Variants in HMCN1 observed in about 807,000 individuals in gnomAD.
HMCN1 encodes the protein hemicentin-1.
Under a neutral mutation model 625.9 loss-of-function variants are expected in HMCN1, and 321 were observed. That is an observed-to-expected ratio of 0.51 (90% CI 0.47 to 0.56). The LOEUF (loss-of-function observed/expected upper bound fraction) is 0.56, where lower values mean the gene tolerates loss of function less well. Ranked by LOEUF, HMCN1 falls within the 20% of genes least tolerant of loss-of-function variation. The pLI is 0.00. For synonymous variants in HMCN1, 2,425 were observed against 2,417.6 expected, an observed-to-expected ratio of 1.00 and a Z score of -0.09; for missense variants, 6,588 against 6,887.3, an observed-to-expected ratio of 0.96 and a Z score of 1.54.
At chr1:185,882,209 T>C (rs146903617) in intron 4 of HMCN1, among the ~76,000 whole-genome samples, 313 of 152,320 alleles carry the variant, frequency 2.1e-3, no homozygotes, top group South Asian at 4.3e-3. Context: ...TTGACCATAG[T>C]AGACTTTACA....
Position 185,798,020 on chromosome 1 carries a change from C to A in HMCN1, c.269-48006C>A, listed in dbSNP as rs376418497. 5.0e-5 allele frequency among the ~76,000 whole-genome samples: 5 copies of A among 100,936 alleles called. No homozygotes were observed. The East Asian group carries it at 1.4e-3, about 28-fold the overall frequency. 66.2% of individuals were successfully genotyped at this position (100,936 alleles called of 152,430 possible). The stretch of plus-strand genomic sequence containing the variant: ...AAGACTTGTTTTATACTTTTATGTT[C>A]TTTTTATAATGGTGGGTATTGACCT... On this transcript the variant is annotated intron_variant, in intron 1 of 106. Transcript: ENST00000271588.
intron 1 of HMCN1, among the ~76,000 whole-genome samples, chr1:185,820,654 T>A (rs767901564): frequency 4.3e-4 from 65 of 152,144 alleles, no homozygotes; most frequent in Non-Finnish European, 7.9e-4. Context: ...TTGTGGTGCA[T>A]ATTAGTCTTT....
chr1:185,902,401 CTATCTCTATCTATCTATCTATCTA>C (rs1235192825), intron 4 of HMCN1, among the ~76,000 whole-genome samples: 4 of 136,218 alleles, frequency 2.9e-5, no homozygotes, highest in Admixed American at 7.1e-5. Context: ...ATCTATCTAT[CTATCTCTATCTATCTATCTATCTA>C]TCTATCTATC....
intron 46 of HMCN1, among the ~76,000 whole-genome samples, chr1:186,060,237 T>C (rs1323151487): frequency 6.6e-6 from 1 of 152,016 alleles, no homozygotes; most frequent in African/African-American, 2.4e-5. Flanking sequence ...AGAAAACAGA[T>C]AGAATACCCC....
chr1:186,165,927 G>A (rs912565602), intron 98 of HMCN1, among the ~76,000 whole-genome samples: 1 of 152,238 alleles, frequency 6.6e-6, no homozygotes, highest in Admixed American at 6.5e-5. Context: ...TTAGAGCACA[G>A]TAGATGATAA....
rs751862276 is a variant in HMCN1, at chr1:186,136,960, T to C, written c.13582+23T>C. The C allele has an allele frequency of 2.5e-5, 40 of 1,610,982 alleles. No individual in the cohort carries two copies. In the Admixed American group the frequency reaches 5.8e-4, roughly 24 times the overall value. On this transcript the variant is annotated intron_variant, in intron 87 of 106. Transcript: ENST00000271588. ...AGGGTGAGTGTGATCAGAGGAATAT[T>C]CATAGTAAACAGTACCTGGGGTGAC... is the stretch of plus-strand genomic sequence containing the variant.
rs371095992 is a variant in HMCN1 at position 186,137,923 on chromosome 1, T to G, written c.13875T>G (p.Cys4625Trp). Residue 4625 changes from cysteine (C) to tryptophan (W), a missense_variant, in exon 89 of 107, where the codon TGT (cysteine) becomes TGG (tryptophan). By Grantham distance (215) the Cys-to-Trp change is radical. This residue lies in a region of HMCN1 where 1,954 missense variants were observed against 2,013.1 expected (regional missense o/e 0.97). Coordinates refer to ENST00000271588, the MANE Select transcript of HMCN1 (RefSeq NM_031935.3). The part of the protein sequence containing the change: ...NPSVQHGGRP[C>W]EGNAVEIIMC... ...CAGTTCAGCATGGTGGGCGGCCATG[T>G]GAAGGGAATGCTGTGGAAATAATTA... The G allele has an allele frequency of 8.9e-5, 144 of 1,613,944 alleles. 1 individual carries two copies. The highest frequency in any genetic ancestry group is 1.2e-4 in the Non-Finnish European group (138 of 1,179,960).
At chr1:185,936,337 C>G (rs979268920) in intron 11 of HMCN1, among the ~76,000 whole-genome samples, 1 of 151,964 alleles carries the variant, frequency 6.6e-6, no homozygotes, top group African/African-American at 2.4e-5. Context: ...AAACTAGCAG[C>G]AATTAACAGC....
At chr1:186,155,127 T>C (rs1285893108) in intron 97 of HMCN1, among the ~76,000 whole-genome samples, 1 of 152,264 alleles carries the variant, frequency 6.6e-6, no homozygotes, top group Non-Finnish European at 1.5e-5. Context: ...GTTTAGCAGA[T>C]ATGCTAAAAA....
At chr1:186,160,819 T>C (rs61831321) in intron 97 of HMCN1, among the ~76,000 whole-genome samples, 54,120 of 147,402 alleles carry the variant, frequency 0.37, 10,630 homozygotes, top group African/African-American at 0.47. Context: ...TTTACATTTG[T>C]TGAGGAGAGC....
At chr1:186,014,578 C>A (rs540189332) in intron 30 of HMCN1, among the ~76,000 whole-genome samples, 1 of 151,918 alleles carries the variant, frequency 6.6e-6, no homozygotes, top group South Asian at 2.1e-4. Context: ...TGTGAGAGGC[C>A]AGACTTGTGG....
intron 1 of HMCN1, among the ~76,000 whole-genome samples, chr1:185,779,332 C>A (rs906677235): frequency 6.6e-6 from 1 of 152,182 alleles, no homozygotes; most frequent in Non-Finnish European, 1.5e-5. Context: ...TTTTGCTGTG[C>A]AGCAGCTCTT....
At chr1:185,821,501 A>G (rs1158413784) in intron 1 of HMCN1, among the ~76,000 whole-genome samples, 1 of 152,072 alleles carries the variant, frequency 6.6e-6, no homozygotes, top group Non-Finnish European at 1.5e-5. Flanking sequence ...GTGATGGCCA[A>G]TTTCTTATCA....
intron 84 of HMCN1, 53 bp downstream of exon 84, chr1:186,130,153 C>G: frequency 6.2e-7 from 1 of 1,607,290 alleles, no homozygotes; most frequent in South Asian, 1.1e-5. Flanking sequence ...ATGAATAGTT[C>G]AAGTTTTGCT....
rs1350110999 is a variant in HMCN1 at position 186,172,064 on chromosome 1, T to C, written c.15747T>C (p.Arg5249=). 1 of 1,613,766 alleles carries C rather than the reference T, an allele frequency of 6.2e-7. No homozygotes were observed. The highest frequency in any genetic ancestry group is 1.7e-5 in the Admixed American group (1 of 60,000). The change falls in exon 102 of 107, where the codon CGT becomes CGC. Residue 5249 remains arginine, a synonymous_variant. Transcript: ENST00000271588. ...CAGATCAGCACTGTAAGAACACCCGTGGTGGCTATAAGTGCATTGATCTTT... is the reference window on the plus strand; with the variant it reads ...CAGATCAGCACTGTAAGAACACCCGCGGTGGCTATAAGTGCATTGATCTTT... ...CRPDQHCKNT[R]GGYKCIDLCP...
chr1:185,855,211 C>A (rs1267767483), intron 2 of HMCN1, among the ~76,000 whole-genome samples: 3 of 152,142 alleles, frequency 2.0e-5, no homozygotes, highest in Non-Finnish European at 2.9e-5. Flanking sequence ...ACAAGGGAAC[C>A]ACTTGTTAGG....
chr1:185,880,206 A>G (rs1347186272), intron 4 of HMCN1, among the ~76,000 whole-genome samples: 1 of 152,182 alleles, frequency 6.6e-6, no homozygotes, highest in Non-Finnish European at 1.5e-5. Flanking sequence ...GGAGTCCAAC[A>G]TTGGAATGGA....
At chr1:186,137,154 A>T (rs913903861) in intron 87 of HMCN1, among the ~76,000 whole-genome samples, 5 of 152,210 alleles carry the variant, frequency 3.3e-5, no homozygotes, top group African/African-American at 1.2e-4. Flanking sequence ...ATCCCAAACT[A>T]GATTTTTGAT....
chr1:186,072,137 G>A lies in HMCN1; in HGVS notation c.8139+1380G>A, dbSNP rs564100646. Among the ~76,000 whole-genome samples the A allele has an allele frequency of 6.6e-5, 10 of 152,176 alleles. No individual in the cohort carries two copies. The South Asian group carries it at 1.0e-3, about 16-fold the overall frequency. On this transcript the variant is annotated intron_variant, in intron 52 of 106. Transcript: ENST00000271588. ...GGTCTCCTAGAATGTGAACAAAAACGTACTATTTTAAAATTTATTTTCCAT... is the reference window on the plus strand; with the variant it reads ...GGTCTCCTAGAATGTGAACAAAAACATACTATTTTAAAATTTATTTTCCAT...
Sources: gnomAD v4.1 joint callset for allele counts (sites outside exome capture counted in the v4.1 genomes callset) on GRCh38, gnomAD v4.1.1 for gene constraint, gnomAD v4.1.1 regional missense constraint, MANE v1.5 for transcripts, NCBI Gene and HGNC (gene_info 2026-07-23, HGNC 2026-07-21) for gene names.